Variants in LATS1 observed in about 807,000 individuals in gnomAD.
The protein encoded by LATS1 is large tumor suppressor kinase 1, also known as serine/threonine-protein kinase LATS1.
In LATS1, 25 loss-of-function variants were observed where a neutral mutation model predicts 106.6. That is an observed-to-expected ratio of 0.23 (90% CI 0.17 to 0.33). The LOEUF is 0.33. LATS1 is among the 10% of genes least tolerant of loss of function. The probability of loss-of-function intolerance (pLI) is 1.00; values close to 1 mark genes in which losing one functional copy is unlikely to be tolerated. For synonymous variants in LATS1, 465 were observed against 455.6 expected (o/e 1.02, Z -0.26); for missense variants, 1,040 against 1,382.6 (o/e 0.75, Z 3.93).
intron 1 of LATS1, among the ~76,000 whole-genome samples, chr6:149,703,730 T>C (rs59398826): frequency 0.012 from 1,790 of 152,182 alleles, 39 homozygotes; most frequent in African/African-American, 0.041. Context: ...TTCTGTTAAT[T>C]AGTAGCAATG....
intron 1 of LATS1, among the ~76,000 whole-genome samples, chr6:149,704,158 C>G (rs527445208): frequency 6.6e-6 from 1 of 152,118 alleles, no homozygotes; most frequent in Non-Finnish European, 1.5e-5. Context: ...CATGCACCAC[C>G]GTGCCCAGCT....
In LATS1 at chr6:149,676,753, A is replaced by G; in HGVS notation, c.2594-16T>C. Reference sequence around the variant, plus strand: ...GGATGGTCACCTGCACAACAAAAGAATAAGTAAATAAAGTCAACAATGACA... The same window carrying G: ...GGATGGTCACCTGCACAACAAAAGAGTAAGTAAATAAAGTCAACAATGACA... On this transcript the variant is annotated splice_polypyrimidine_tract_variant and intron_variant, in intron 5 of 7. Coordinates refer to ENST00000543571, the MANE Select transcript of LATS1 (RefSeq NM_004690.4). 2 of 1,598,744 alleles carry G rather than the reference A, an allele frequency of 1.3e-6. No homozygotes were observed. Among genetic ancestry groups the G allele is most frequent in the African/African-American group, 1.3e-5 (1 of 74,808 alleles).
intron 1 of LATS1, among the ~76,000 whole-genome samples, chr6:149,704,492 T>TG (rs1554237933): frequency 2.4e-5 from 3 of 126,926 alleles, no homozygotes; most frequent in South Asian, 5.4e-4. Flanking sequence ...GTTTTTTTTT[T>TG]GTTTTTTTTT....
At chr6:149,672,940 G>C (rs1017499617) in intron 7 of LATS1, among the ~76,000 whole-genome samples, 5 of 151,578 alleles carry the variant, frequency 3.3e-5, no homozygotes, top group Non-Finnish European at 5.9e-5. Context: ...GTGAAACTCT[G>C]TTTCAAAAAA....
intron 7 of LATS1, among the ~76,000 whole-genome samples, chr6:149,663,303 T>G (rs1780973802): frequency 6.6e-6 from 1 of 152,084 alleles, no homozygotes; most frequent in Admixed American, 6.6e-5. Flanking sequence ...GGCAACATGG[T>G]GAAACCCCAT....
chr6:149,661,788 C>G lies in LATS1; in HGVS notation c.3334G>C (p.Asp1112His), dbSNP rs1221851008. ...INSQGSEQQS[D>H]EDDQNTGSEI... ...GAGCCTGTGTTTTGATCATCTTCAT[C>G]CGACTGCTGCTCTGAGCCTTGTGAA... The change falls in exon 8 of 8, where the codon GAT (aspartate) becomes CAT (histidine). Residue 1112 changes from aspartate to histidine, a missense_variant. Asp to His is a moderately conservative substitution (Grantham distance 81). Coordinates refer to ENST00000543571, the MANE Select transcript of LATS1 (RefSeq NM_004690.4). The G allele has an allele frequency of 1.9e-6, 3 of 1,603,418 alleles. 1 individual carries two copies. In the South Asian group the frequency reaches 3.4e-5, roughly 18 times the overall value.
In LATS1 at chr6:149,661,315, AG is replaced by A. The variant is rs556130175; in HGVS notation, c.*413del. 3.0e-5 allele frequency: 7 copies of A among 234,176 alleles called. No homozygotes were observed. Among genetic ancestry groups the A allele is most frequent in the African/African-American group, 1.5e-4 (7 of 45,446 alleles). 14.5% of individuals were successfully genotyped at this position (234,176 alleles called of 1,614,324 possible). On this transcript the variant is annotated 3_prime_UTR_variant, in exon 8 of 8. Coordinates refer to ENST00000543571, the MANE Select transcript of LATS1 (RefSeq NM_004690.4). ...AGGGGAAAAAAGAGCTCTGTAAAAT[AG>A]GGGGTATGTTTCATATTTGGTTAAA...
Position 149,684,259 on chromosome 6 carries a change from T to C in LATS1, c.830A>G (p.Tyr277Cys), listed in dbSNP as rs760569700. Residue 277 changes from tyrosine to cysteine, a missense_variant, in exon 4 of 8, where the codon TAT becomes TGT. Transcript: ENST00000543571. ...SWEPNSQTKR[Y>C]SGNMEYVISR... is the part of the protein sequence containing the mutation. ...GATTACGTATTCCATGTTTCCAGAA[T>C]AGCGCTTTGTTTGAGAGTTTGGTTC... is the stretch of plus-strand genomic sequence containing the variant. 3 of 1,613,818 alleles carry C rather than the reference T, an allele frequency of 1.9e-6. No homozygotes were observed. The highest frequency in any genetic ancestry group is 2.5e-6 in the Non-Finnish European group (3 of 1,179,960).
intron 1 of LATS1, 145 bp from the exon 2 acceptor site, chr6:149,702,411 GTTAC>G (rs750166699): frequency 4.8e-5 from 13 of 269,690 alleles, no homozygotes; most frequent in Non-Finnish European, 7.0e-5. Context: ...TTCAGGACAA[GTTAC>G]TTAATCTCTC....
intron 7 of LATS1, among the ~76,000 whole-genome samples, chr6:149,667,871 G>A (rs938876837): frequency 5.9e-5 from 9 of 152,230 alleles, no homozygotes; most frequent in Admixed American, 3.9e-4. Flanking sequence ...GAAGGAAGTA[G>A]ACATTTTAAA....
chr6:149,661,579 G>T lies in LATS1; in HGVS notation c.*150C>A. 1.8e-6 allele frequency: 1 copy of T among 562,650 alleles called. No homozygotes were observed. Among genetic ancestry groups the T allele is most frequent in the Non-Finnish European group, 2.9e-6 (1 of 349,346 alleles). The allele number at this position is 562,650 out of a possible 1,614,324, so 34.9% of individuals were successfully genotyped here. A position where few individuals can be genotyped will look rare whatever the true frequency, so the allele number is the denominator to read the frequency against. On this transcript the variant is annotated 3_prime_UTR_variant, in exon 8 of 8. Coordinates refer to ENST00000543571, the MANE Select transcript of LATS1 (RefSeq NM_004690.4). ...CTGGAATAAATTAACATTTTAAAAGGATTTCCCATAATTTAGGAAAATAAA... is the reference window on the plus strand; with the variant it reads ...CTGGAATAAATTAACATTTTAAAAGTATTTCCCATAATTTAGGAAAATAAA...
At chr6:149,710,193 G>GT (rs1334232416) in intron 1 of LATS1, among the ~76,000 whole-genome samples, 2 of 152,160 alleles carry the variant, frequency 1.3e-5, no homozygotes, top group African/African-American at 4.8e-5. Flanking sequence ...AAACCAAGCT[G>GT]TAGTCTGATC....
intron 5 of LATS1, among the ~76,000 whole-genome samples, chr6:149,677,106 A>T (rs1380844794): frequency 6.6e-6 from 1 of 151,984 alleles, no homozygotes; most frequent in South Asian, 2.1e-4. Context: ...GACAGTGATA[A>T]TAAGACAAAG....
At position 149,695,069 on chromosome 6, in the gene LATS1, A is replaced by G; in HGVS notation, c.496+5T>C. The G allele has an allele frequency of 6.3e-7, 1 of 1,576,902 alleles. No individual in the cohort carries two copies. The highest frequency in any genetic ancestry group is 8.6e-7 in the Non-Finnish European group (1 of 1,166,570). ...GATGAGAAAATAAAATATTTGATTAATCACCTGGTTTCATGCTGGCATTAA... is the reference window on the plus strand; with the variant it reads ...GATGAGAAAATAAAATATTTGATTAGTCACCTGGTTTCATGCTGGCATTAA... On this transcript the variant is annotated splice_donor_5th_base_variant and intron_variant, in intron 3 of 7. Coordinates refer to ENST00000543571, the MANE Select transcript of LATS1 (RefSeq NM_004690.4).
rs116444650 is a variant in LATS1 at position 149,662,059 on chromosome 6, C to T, written c.3063G>A (p.Gln1021=). The change falls in exon 8 of 8, where the codon CAG becomes CAA. Residue 1021 remains glutamine, a synonymous_variant. Coordinates refer to ENST00000543571, the MANE Select transcript of LATS1 (RefSeq NM_004690.4). ...TTTTAGGAATGTATGAAGCAGACTG[C>T]TGTCTCAGGTCACTGGAGAAGTCAA... ...KTIDFSSDLR[Q]QSASYIPKIT... 1,345 of 1,614,066 alleles carry T rather than the reference C, an allele frequency of 8.3e-4. 19 individuals are homozygous for T. In the African/African-American group the frequency reaches 0.016, roughly 19 times the overall value.
chr6:149,674,265 G>A (rs1043948642), intron 7 of LATS1, among the ~76,000 whole-genome samples: 2 of 151,564 alleles, frequency 1.3e-5, no homozygotes, highest in Non-Finnish European at 2.9e-5. Flanking sequence ...AGTAGAGACA[G>A]GGTTTCACCA....
intron 7 of LATS1, among the ~76,000 whole-genome samples, chr6:149,671,082 T>A (rs1440745010): frequency 6.6e-6 from 1 of 151,896 alleles, no homozygotes; most frequent in Non-Finnish European, 1.5e-5. Context: ...TTTGAGTTAA[T>A]CTTTGTAAAG....
intron 1 of LATS1, among the ~76,000 whole-genome samples, chr6:149,710,346 T>C (rs1784019520): frequency 6.6e-6 from 1 of 152,134 alleles, no homozygotes; most frequent in Non-Finnish European, 1.5e-5. Context: ...TCCTATGTGG[T>C]TGATTTGGGA....
At position 149,676,608 on chromosome 6, in the gene LATS1, T is replaced by C; in HGVS notation, c.2723A>G (p.His908Arg). Residue 908 changes from histidine (H) to arginine (R), a missense_variant, in exon 6 of 8, where the codon CAT becomes CGT. Physicochemically the swap from His to Arg is conservative, Grantham distance 29. Coordinates refer to ENST00000543571, the MANE Select transcript of LATS1 (RefSeq NM_004690.4). ...ATAATTGGGAGTCCCAACCAAAGAATGTGCTAGACATCGCTGGTGCTGGCG... is the reference window on the plus strand; with the variant it reads ...ATAATTGGGAGTCCCAACCAAAGAACGTGCTAGACATCGCTGGTGCTGGCG... The part of the protein sequence containing the change: ...AARQHQRCLA[H>R]SLVGTPNYIA... 6.2e-7 allele frequency: 1 copy of C among 1,614,076 alleles called. No homozygotes were observed. The highest frequency in any genetic ancestry group is 8.5e-7 in the Non-Finnish European group (1 of 1,180,020).
Sources: allele counts gnomAD v4.1 joint callset (sites outside exome capture counted in the v4.1 genomes callset), GRCh38; gene constraint gnomAD v4.1.1; transcripts MANE v1.5; gene names NCBI Gene and HGNC (gene_info 2026-07-23, HGNC 2026-07-21).